DEPDC5: variants seen among roughly 807,000 people sequenced by gnomAD.
DEPDC5 encodes DEP domain containing 5, GATOR1 subcomplex subunit, also known as GATOR1 complex protein DEPDC5.
Under a neutral mutation model 217.3 loss-of-function variants are expected in DEPDC5, and 73 were observed. The ratio of observed to expected loss-of-function variants is 0.34; its 90% CI spans 0.28 to 0.41. The LOEUF is 0.41. Ranked by LOEUF, DEPDC5 falls within the 10% of genes least tolerant of loss-of-function variation. The pLI is 1.00. For synonymous variants in DEPDC5, 733 were observed against 756.7 expected (o/e 0.97, Z 0.51); for missense variants, 1,675 against 2,070.1 (o/e 0.81, Z 3.70).
intron 4 of DEPDC5, 112 bp from the exon 5 acceptor site, chr22:31,764,863 C>T (rs1475517943): frequency 1.5e-5 from 11 of 730,406 alleles, no homozygotes; most frequent in East Asian, 1.0e-4. Flanking sequence ...GTGTGTTGCC[C>T]GTGTCAGATG....
intron 6 of DEPDC5, among the ~76,000 whole-genome samples, chr22:31,767,939 G>A (rs957670896): frequency 2.8e-4 from 42 of 150,256 alleles, no homozygotes; most frequent in African/African-American, 1.0e-3. Context: ...TAGAGACAGG[G>A]TTTCACCACG....
chr22:31,826,008 T>C (rs1041139815), intron 24 of DEPDC5, among the ~76,000 whole-genome samples: 2 of 152,086 alleles, frequency 1.3e-5, no homozygotes, highest in South Asian at 2.1e-4. Context: ...AGATTGAATT[T>C]TTTTTTTTTC....
At chr22:31,856,990 C>G (rs1602467594) in intron 31 of DEPDC5, among the ~76,000 whole-genome samples, 2 of 152,266 alleles carry the variant, frequency 1.3e-5, no homozygotes, top group African/African-American at 2.4e-5. Flanking sequence ...AGGCTGGTCT[C>G]AAACCCCTGA....
intron 37 of DEPDC5, among the ~76,000 whole-genome samples, chr22:31,878,276 T>C (rs1395423954): frequency 6.6e-6 from 1 of 152,020 alleles, no homozygotes; most frequent in African/African-American, 2.4e-5. Context: ...AGTGGACGTG[T>C]GTGGGATTTT....
chr22:31,904,103 C>T (rs1362575376), intron 41 of DEPDC5, among the ~76,000 whole-genome samples: 1 of 151,760 alleles, frequency 6.6e-6, no homozygotes, highest in Non-Finnish European at 1.5e-5. Context: ...TCTTCCTCAG[C>T]CCCTAGGCTG....
chr22:31,820,629 C>T (rs910175605), intron 22 of DEPDC5, among the ~76,000 whole-genome samples: 3 of 152,132 alleles, frequency 2.0e-5, no homozygotes, highest in Non-Finnish European at 4.4e-5. Flanking sequence ...GTCCTTTCCC[C>T]TCCATTATTG....
intron 3 of DEPDC5, 142 bp downstream of exon 3, chr22:31,758,775 T>G (rs1318387782): frequency 5.0e-6 from 4 of 800,074 alleles, no homozygotes; most frequent in Non-Finnish European, 8.1e-6. Context: ...GAGGCTGAGG[T>G]GGGTAGGTCA....
intron 2 of DEPDC5, 113 bp downstream of exon 2, chr22:31,755,092 A>C (rs973051777): frequency 9.1e-6 from 11 of 1,214,130 alleles, no homozygotes; most frequent in Non-Finnish European, 1.3e-5. Context: ...ACAGGCGACT[A>C]AACAGACTAA....
At position 31,815,101 on chromosome 22, in the gene DEPDC5, C is replaced by T. The variant is rs886039261; in HGVS notation, c.1555C>T (p.Gln519Ter). 6.2e-7 allele frequency: 1 copy of T among 1,614,202 alleles called. No individual in the cohort carries two copies. Among genetic ancestry groups the T allele is most frequent in the Non-Finnish European group, 8.5e-7 (1 of 1,180,040 alleles). Residue 519 changes from glutamine (Q) to a stop codon, truncating the protein, a stop_gained, in exon 21 of 43, where the codon CAG (glutamine) becomes TAG (stop). Transcript: ENST00000651528. LOFTEE classifies it high-confidence loss of function. ...RTLPTEEVRS[Q>*]ASDDSSLGKS... Reference sequence around the variant, plus strand: ...ACTGCCCACTGAGGAAGTGAGGAGCCAGGCTTCTGACGACAGCTCCCTAGG... The same window carrying T: ...ACTGCCCACTGAGGAAGTGAGGAGCTAGGCTTCTGACGACAGCTCCCTAGG...
chr22:31,876,541 GT>G (rs2092996475), intron 37 of DEPDC5, among the ~76,000 whole-genome samples: 1 of 152,180 alleles, frequency 6.6e-6, no homozygotes, highest in Non-Finnish European at 1.5e-5. Flanking sequence ...CCACACATCA[GT>G]TTTTGGTAGC....
chr22:31,845,307 G>C, intron 30 of DEPDC5, 70 bp downstream of exon 30: 1 of 1,535,958 alleles, frequency 6.5e-7, no homozygotes. Context: ...CTCTATTAGG[G>C]GCCTCTCATC....
intron 24 of DEPDC5, among the ~76,000 whole-genome samples, chr22:31,824,958 A>G (rs2090021859): frequency 6.6e-6 from 1 of 150,996 alleles, no homozygotes; most frequent in Non-Finnish European, 1.5e-5. Flanking sequence ...CCTGGGCGAC[A>G]GAGCAAGACT....
chr22:31,784,704 G>A (rs1002374320), intron 9 of DEPDC5, 110 bp from the exon 10 acceptor site: 12 of 948,542 alleles, frequency 1.3e-5, no homozygotes, highest in Non-Finnish European at 1.9e-5. Context: ...GTTTACTTAG[G>A]GAATTGCTTA....
At chr22:31,894,915 G>A (rs895868683) in intron 39 of DEPDC5, 3 of 151,884 alleles carry the variant, frequency 2.0e-5, no homozygotes, top group African/African-American at 2.4e-5. Context: ...GCCGAGGCAG[G>A]AGGATCACCT....
intron 20 of DEPDC5, 173 bp from the exon 21 acceptor site, chr22:31,814,819 A>T (rs1216187767): frequency 1.1e-5 from 7 of 629,944 alleles, no homozygotes; most frequent in Non-Finnish European, 1.9e-5. Flanking sequence ...CTTATATAAC[A>T]TCTCAAGCTG....
chr22:31,857,502 C>A lies in DEPDC5; in HGVS notation c.3213C>A (p.Ala1071=), dbSNP rs373166302. ...VHGGKSSAQS[A]ESSSVAMTPT... ...GTGGGAAGAGCTCCGCCCAGTCAGC[C>A]GAGAGCAGCAGCGTTGCCATGACTC... The change falls in exon 32 of 43, where the codon GCC becomes GCA. Residue 1071 remains alanine, a synonymous_variant. Coordinates refer to ENST00000651528, the MANE Select transcript of DEPDC5 (RefSeq NM_001242896.3). 1 of 1,612,604 alleles carries A rather than the reference C, an allele frequency of 6.2e-7. No individual in the cohort carries two copies. Among genetic ancestry groups the A allele is most frequent in the South Asian group, 1.1e-5 (1 of 90,554 alleles).
chr22:31,833,281 G>A (rs548737353), intron 24 of DEPDC5, among the ~76,000 whole-genome samples: 3 of 152,208 alleles, frequency 2.0e-5, no homozygotes, highest in South Asian at 2.1e-4. Flanking sequence ...TGTATTACTC[G>A]ACAGTCAATA....
intron 38 of DEPDC5, among the ~76,000 whole-genome samples, chr22:31,892,380 A>G (rs1383000525): frequency 6.6e-6 from 1 of 152,210 alleles, no homozygotes; most frequent in Non-Finnish European, 1.5e-5. Context: ...AGCAGAATCT[A>G]ATAGAAAGTT....
chr22:31,877,391 C>T (rs982025223), intron 37 of DEPDC5, among the ~76,000 whole-genome samples: 1 of 122,056 alleles, frequency 8.2e-6, no homozygotes, highest in African/African-American at 3.1e-5. Context: ...AAGCCAAGAT[C>T]ACACCACTGT....
Sources: gnomAD v4.1 joint callset for allele counts (sites outside exome capture counted in the v4.1 genomes callset) on GRCh38, gnomAD v4.1.1 for gene constraint, MANE v1.5 for transcripts, NCBI Gene and HGNC (gene_info 2026-07-23, HGNC 2026-07-21) for gene names.